Variants in CSPP1 observed in about 807,000 individuals in gnomAD.
CSPP1 encodes centrosome and spindle pole associated protein 1, also known as centrosome and spindle pole-associated protein 1.
Under a neutral mutation model 164.4 loss-of-function variants are expected in CSPP1, and 126 were observed. The observed-to-expected ratio is 0.77, with a 90% CI of 0.66 to 0.89. The LOEUF is 0.89. CSPP1 is among the 40% of genes least tolerant of loss of function. The probability of loss-of-function intolerance (pLI) is 0.00; values close to 1 mark genes in which losing one functional copy is unlikely to be tolerated. For synonymous variants in CSPP1, 472 were observed against 476.7 expected, an observed-to-expected ratio of 0.99 and a Z score of 0.13; for missense variants, 1,395 against 1,449.8, an observed-to-expected ratio of 0.96 and a Z score of 0.61.
chr8:67,180,345 A>G (rs946827468), intron 28 of CSPP1, among the ~76,000 whole-genome samples: 31 of 152,352 alleles, frequency 2.0e-4, no homozygotes, highest in African/African-American at 6.7e-4. Flanking sequence ...AATAAGTTAC[A>G]TACTACTGTA....
rs1394441450 is a variant in CSPP1 at position 67,195,683 on chromosome 8, C to CTGAA, written c.*91_*94dup. 1 of 1,015,556 alleles carries CTGAA rather than the reference C, an allele frequency of 9.8e-7. No homozygotes were observed. Among genetic ancestry groups the CTGAA allele is most frequent in the Non-Finnish European group, 1.5e-6 (1 of 683,112 alleles). The allele number at this position is 1,015,556 out of a possible 1,614,324, so 62.9% of individuals were successfully genotyped here. A position where few individuals can be genotyped will look rare whatever the true frequency, so the allele number is the denominator to read the frequency against. ...AATATGTCCTACTTTTGGCCCCTAC[C>CTGAA]TGAAAGTTACTTTTTTTCCATCATC... On this transcript the variant is annotated 3_prime_UTR_variant, in exon 31 of 31. Coordinates refer to ENST00000678616, the MANE Select transcript of CSPP1 (RefSeq NM_001382391.1).
intron 17 of CSPP1, among the ~76,000 whole-genome samples, chr8:67,146,122 CTTTTT>C (rs939978795): frequency 1.6e-5 from 2 of 125,126 alleles, no homozygotes; most frequent in Admixed American, 8.1e-5. Flanking sequence ...ATATACTTTT[CTTTTT>C]TTTTTTTTTT....
chr8:67,100,700 C>T (rs1396924603), intron 7 of CSPP1, among the ~76,000 whole-genome samples: 1 of 151,150 alleles, frequency 6.6e-6, no homozygotes, highest in African/African-American at 2.4e-5. Context: ...CCACTTTAGC[C>T]TCCCAAGTAG....
intron 24 of CSPP1, among the ~76,000 whole-genome samples, chr8:67,169,542 T>C (rs2129565416): frequency 6.6e-6 from 1 of 152,134 alleles, no homozygotes; most frequent in Non-Finnish European, 1.5e-5. Context: ...CGGGTTCAAG[T>C]GTTTCTCCTG....
intron 17 of CSPP1, among the ~76,000 whole-genome samples, chr8:67,139,226 A>G (rs1822984037): frequency 6.6e-6 from 1 of 152,234 alleles, no homozygotes; most frequent in Non-Finnish European, 1.5e-5. Flanking sequence ...TATGCAACCA[A>G]CAGACACATG....
At chr8:67,139,760 G>A (rs1273252708) in intron 17 of CSPP1, among the ~76,000 whole-genome samples, 6 of 152,018 alleles carry the variant, frequency 3.9e-5, no homozygotes, top group African/African-American at 7.2e-5. Context: ...ACCAAACACC[G>A]CATGTTCTCA....
rs181242767 is a variant in CSPP1 at position 67,126,477 on chromosome 8, C to G, written c.1698-5474C>G. On this transcript the variant is annotated intron_variant, in intron 15 of 30. Transcript: ENST00000678616. ...TCTCTGTTAGGATAGCTTAATAGTT[C>G]ATGATTAGACTGAGATTTCTTTAAA... Among the ~76,000 whole-genome samples the G allele has an allele frequency of 5.3e-4, 80 of 152,266 alleles. 2 individuals carry two copies. In the South Asian group the frequency reaches 8.3e-3, roughly 16 times the overall value.
At chr8:67,173,159 A>T (rs1830804802) in intron 25 of CSPP1, among the ~76,000 whole-genome samples, 1 of 152,150 alleles carries the variant, frequency 6.6e-6, no homozygotes, top group South Asian at 2.1e-4. Flanking sequence ...AGGGATCAGG[A>T]GCTGGAAGAG....
intron 10 of CSPP1, among the ~76,000 whole-genome samples, chr8:67,113,260 C>T (rs1472690374): frequency 1.3e-5 from 2 of 151,980 alleles, no homozygotes; most frequent in African/African-American, 4.8e-5. Flanking sequence ...ACAACAAAAA[C>T]AACAACAACA....
intron 9 of CSPP1, among the ~76,000 whole-genome samples, chr8:67,109,004 G>A (rs1008155060): frequency 3.3e-5 from 5 of 152,180 alleles, no homozygotes; most frequent in Admixed American, 6.5e-5. Flanking sequence ...CTTCTGTATT[G>A]TTTGATCCCA....
At chr8:67,086,884 C>CT (rs778545089) in intron 4 of CSPP1, 5 of 1,144,058 alleles carry the variant, frequency 4.4e-6, no homozygotes, top group South Asian at 4.3e-5. Context: ...TCAGTTTTTT[C>CT]TTTCTTTTTT....
At chr8:67,159,892 C>CTTTCTTTCT (rs1563711590) in intron 21 of CSPP1, among the ~76,000 whole-genome samples, 2 of 66,298 alleles carry the variant, frequency 3.0e-5, no homozygotes, top group African/African-American at 1.5e-4. Context: ...TTCTTTCTTT[C>CTTTCTTTCT]TTTCTTTCTT....
intron 29 of CSPP1, among the ~76,000 whole-genome samples, chr8:67,191,513 G>A (rs764304936): frequency 6.6e-6 from 1 of 152,128 alleles, no homozygotes; most frequent in African/African-American, 2.4e-5. Flanking sequence ...TGGACATTTC[G>A]TATAAATGAG....
At chr8:67,136,813 C>T (rs928191143) in intron 16 of CSPP1, among the ~76,000 whole-genome samples, 1 of 151,540 alleles carries the variant, frequency 6.6e-6, no homozygotes, top group African/African-American at 2.4e-5. Context: ...GTAGGGAGAT[C>T]TGATGGTCCC....
chr8:67,138,806 T>G (rs1822893417), intron 17 of CSPP1, among the ~76,000 whole-genome samples: 1 of 152,222 alleles, frequency 6.6e-6, no homozygotes, highest in Admixed American at 6.5e-5. Flanking sequence ...TAGATCCCAT[T>G]TGTCAATTTT....
At chr8:67,130,116 A>G (rs989174693) in intron 15 of CSPP1, among the ~76,000 whole-genome samples, 17 of 152,188 alleles carry the variant, frequency 1.1e-4, no homozygotes, top group South Asian at 6.2e-4. Context: ...TGGGAGTTCC[A>G]TGGGGCTCAC....
chr8:67,137,494 A>G lies in CSPP1; in HGVS notation c.1866A>G (p.Glu622=), dbSNP rs753827702. The change falls in exon 17 of 31, where the codon GAA becomes GAG. Residue 622 remains glutamate, a synonymous_variant. Transcript: ENST00000678616. ...EREERRKKER[E]EKEEYEAKLE... Reference sequence around the variant, plus strand: ...AAGAAAGAAGGAAGAAAGAACGTGAAGAAAAAGAAGAATATGAAGCTAAAT... The same window carrying G: ...AAGAAAGAAGGAAGAAAGAACGTGAGGAAAAAGAAGAATATGAAGCTAAAT... 3 of 1,551,572 alleles carry G rather than the reference A, an allele frequency of 1.9e-6. No individual in the cohort carries two copies. Among genetic ancestry groups the G allele is most frequent in the Non-Finnish European group, 2.6e-6 (3 of 1,136,150 alleles).
At chr8:67,078,435 A>G (rs1245603774) in intron 3 of CSPP1, among the ~76,000 whole-genome samples, 3 of 151,948 alleles carry the variant, frequency 2.0e-5, no homozygotes, top group Non-Finnish European at 4.4e-5. Context: ...TCCACTGTCC[A>G]GGCTTAAGTG....
rs140375837 is a variant in CSPP1 at position 67,142,992 on chromosome 8, G to A, written c.1975+5389G>A. ...TGACGTTAACGTCTTAGATAATCAT[G>A]GCACAATGATCAAAATTAGAAATTA... On this transcript the variant is annotated intron_variant, in intron 17 of 30. Transcript: ENST00000678616. Among the ~76,000 whole-genome samples, 299 of 152,200 alleles carry A rather than the reference G, an allele frequency of 2.0e-3. 2 individuals are homozygous for A. Among genetic ancestry groups the A allele is most frequent in the Middle Eastern group, 3.4e-3 (1 of 294 alleles).
Sources: gnomAD v4.1 joint callset for allele counts (sites outside exome capture counted in the v4.1 genomes callset) on GRCh38, gnomAD v4.1.1 for gene constraint, MANE v1.5 for transcripts, NCBI Gene and HGNC (gene_info 2026-07-23, HGNC 2026-07-21) for gene names.